Variants in GLIS3 observed in about 807,000 individuals in gnomAD.
The protein encoded by GLIS3 is zinc finger protein GLIS3.
A neutral mutation model predicts 78.6 loss-of-function variants in GLIS3; 53 were observed. The ratio of observed to expected loss-of-function variants is 0.67; its 90% confidence interval spans 0.54 to 0.85. GLIS3 has a LOEUF of 0.85. Ranked by LOEUF, GLIS3 falls within the 40% of genes least tolerant of loss-of-function variation. The pLI is 0.00. For synonymous variants in GLIS3, 684 were observed against 509.9 expected, an observed-to-expected ratio of 1.34 and a Z score of -4.60; for missense variants, 1,703 against 1,231.1, an observed-to-expected ratio of 1.38 and a Z score of -5.74.
At chr9:4,490,232 G>A in the GLIS3 span, among the ~76,000 whole-genome samples, 2 of 152,250 alleles carry the variant, frequency 1.3e-5, no homozygotes, top group Non-Finnish European at 2.9e-5. Flanking sequence ...GGCGTGGAAA[G>A]CGAGACAGAC....
chr9:4,382,692 G>C, the GLIS3 span, among the ~76,000 whole-genome samples: 1 of 152,154 alleles, frequency 6.6e-6, no homozygotes, highest in Non-Finnish European at 1.5e-5. Flanking sequence ...ATTCTAGAGT[G>C]ATGAGTGGGT....
chr9:4,112,920 CTT>C (rs1831337355), intron 4 of GLIS3, among the ~76,000 whole-genome samples: 1 of 152,044 alleles, frequency 6.6e-6, no homozygotes, highest in Non-Finnish European at 1.5e-5. Context: ...CATCCCATCT[CTT>C]TTATTTCTTT....
the GLIS3 span, among the ~76,000 whole-genome samples, chr9:4,444,234 A>G: frequency 2.0e-5 from 3 of 152,370 alleles, no homozygotes; most frequent in Non-Finnish European, 2.9e-5. Flanking sequence ...CTGCAAAATA[A>G]GATACACCAC....
chr9:4,347,585 A>T (rs1817911880), intron 1 of GLIS3, among the ~76,000 whole-genome samples: 1 of 152,208 alleles, frequency 6.6e-6, no homozygotes, highest in Non-Finnish European at 1.5e-5. Context: ...GAAGTTTTAT[A>T]TGTGTGCTGA....
At chr9:4,043,362 T>C (rs1020904104) in intron 4 of GLIS3, among the ~76,000 whole-genome samples, 6 of 152,122 alleles carry the variant, frequency 3.9e-5, no homozygotes, top group Admixed American at 3.3e-4. Flanking sequence ...ACTGAGTTTT[T>C]TATGTATTTT....
intron 4 of GLIS3, among the ~76,000 whole-genome samples, chr9:4,108,385 G>A (rs899575438): frequency 1.3e-5 from 2 of 152,102 alleles, no homozygotes; most frequent in East Asian, 3.9e-4. Context: ...GCAAGGCATG[G>A]GGCCTGTGAA....
chr9:3,965,197 T>C (rs566772741), intron 4 of GLIS3, among the ~76,000 whole-genome samples: 5 of 133,898 alleles, frequency 3.7e-5, no homozygotes, highest in South Asian at 4.8e-4. Flanking sequence ...TCTTTTCTTT[T>C]TTTTTTTTTT....
At chr9:4,316,078 T>C (rs1030817693) in intron 2 of GLIS3, among the ~76,000 whole-genome samples, 1 of 152,238 alleles carries the variant, frequency 6.6e-6, no homozygotes, top group African/African-American at 2.4e-5. Context: ...TGTATGTATG[T>C]ATATGCTATT....
intron 4 of GLIS3, among the ~76,000 whole-genome samples, chr9:4,024,577 GGTGGGAAGCTCAGA>G (rs969775156): frequency 6.6e-6 from 1 of 152,146 alleles, no homozygotes; most frequent in African/African-American, 2.4e-5. Flanking sequence ...ATGATTTACT[GGTGGGAAGCTCAGA>G]GTGTATGATA....
At chr9:4,224,910 C>A (rs1057250481) in intron 2 of GLIS3, among the ~76,000 whole-genome samples, 9 of 151,774 alleles carry the variant, frequency 5.9e-5, no homozygotes, top group Non-Finnish European at 1.2e-4. Flanking sequence ...TAATTCTATG[C>A]CAAGATTTAG....
At chr9:4,329,247 G>A (rs1488778474) in intron 2 of GLIS3, among the ~76,000 whole-genome samples, 2 of 152,140 alleles carry the variant, frequency 1.3e-5, no homozygotes, top group Non-Finnish European at 2.9e-5. Flanking sequence ...AGGCCTGCAT[G>A]TTGACCAGCT....
rs1817754514 is a variant in GLIS3, at chr9:3,826,904, G to A, written c.*1368C>T. 1 of 152,208 alleles carries A rather than the reference G, an allele frequency of 6.6e-6. No homozygotes were observed. Among genetic ancestry groups the A allele is most frequent in the Non-Finnish European group, 1.5e-5 (1 of 68,036 alleles). 9.4% of individuals were successfully genotyped at this position (152,208 alleles called of 1,614,324 possible). On this transcript the variant is annotated 3_prime_UTR_variant, in exon 11 of 11. Coordinates refer to ENST00000381971, the MANE Select transcript of GLIS3 (RefSeq NM_001042413.2). ...TCTTTGGGACTGGCCAATTTTTATA[G>A]CTGATGCCCTAGGACTTAGGATCTG...
intron 4 of GLIS3, among the ~76,000 whole-genome samples, chr9:3,976,157 C>T (rs917839691): frequency 7.2e-5 from 11 of 152,088 alleles, no homozygotes; most frequent in Non-Finnish European, 1.2e-4. Context: ...ATCCTGCCCC[C>T]ATATGTTTTG....
At chr9:3,912,103 T>C (rs181133519) in intron 6 of GLIS3, among the ~76,000 whole-genome samples, 1 of 152,304 alleles carries the variant, frequency 6.6e-6, no homozygotes, top group African/African-American at 2.4e-5. Context: ...CCTTCCTCTG[T>C]AAAATGGAGT....
the GLIS3 span, among the ~76,000 whole-genome samples, chr9:4,366,612 G>T: frequency 6.6e-6 from 1 of 152,200 alleles, no homozygotes; most frequent in Non-Finnish European, 1.5e-5. Flanking sequence ...GAACACAAAC[G>T]TTTTCCTGTA....
chr9:4,396,131 T>TA, the GLIS3 span, among the ~76,000 whole-genome samples: 1 of 151,702 alleles, frequency 6.6e-6, no homozygotes, highest in Non-Finnish European at 1.5e-5. Flanking sequence ...TTTTTTTTTT[T>TA]AGATGGAATC....
At chr9:4,316,802 C>T in intron 2 of GLIS3, among the ~76,000 whole-genome samples, 1 of 152,268 alleles carries the variant, frequency 6.6e-6, no homozygotes, top group African/African-American at 2.4e-5. Context: ...TTTTATTAAT[C>T]TTTTAAAAAT....
At chr9:4,222,711 T>C (rs1362652231) in intron 2 of GLIS3, among the ~76,000 whole-genome samples, 2 of 152,212 alleles carry the variant, frequency 1.3e-5, no homozygotes, top group Admixed American at 6.5e-5. Flanking sequence ...CCAGACTAGA[T>C]ATGGGCAGCA....
chr9:4,020,297 GT>G (rs538108920), intron 4 of GLIS3, among the ~76,000 whole-genome samples: 26 of 151,778 alleles, frequency 1.7e-4, no homozygotes, highest in Non-Finnish European at 1.9e-4. Flanking sequence ...TGTTTGTTTT[GT>G]TTTTTTTGTT....
Sources: gnomAD v4.1 joint callset for allele counts (sites outside exome capture counted in the v4.1 genomes callset) on GRCh38, gnomAD v4.1.1 for gene constraint, MANE v1.5 for transcripts, NCBI Gene and HGNC (gene_info 2026-07-23, HGNC 2026-07-21) for gene names.